The following BLK variants were observed in gnomAD, a reference collection of about 807,000 sequenced individuals.
BLK encodes the protein BLK proto-oncogene, Src family tyrosine kinase.
A neutral mutation model predicts 61.8 loss-of-function variants in BLK; 64 were observed. That is an observed-to-expected ratio of 1.03 (90% CI 0.85 to 1.27). The LOEUF is 1.27. Among genes scored for constraint, BLK ranks in the 50% most tolerant of loss-of-function variants. The probability of loss-of-function intolerance (pLI) is 0.00; values close to 1 mark genes in which losing one functional copy is unlikely to be tolerated. For synonymous variants in BLK, 351 were observed against 272.0 expected (o/e 1.29, Z -2.86); for missense variants, 853 against 660.5 (o/e 1.29, Z -3.19).
At chr8:11,513,599 C>T (rs1306097553) in intron 1 of BLK, among the ~76,000 whole-genome samples, 5 of 152,212 alleles carry the variant, frequency 3.3e-5, no homozygotes, top group African/African-American at 1.2e-4. Context: ...CCACAGCCCT[C>T]GCTGCACAGA....
chr8:11,530,347 C>T (rs1321299349), intron 1 of BLK, among the ~76,000 whole-genome samples: 1 of 152,196 alleles, frequency 6.6e-6, no homozygotes, highest in Non-Finnish European at 1.5e-5. Flanking sequence ...TTATTTGCCA[C>T]AGGTCGGGAA....
At chr8:11,534,606 G>A (rs1179436245) in intron 1 of BLK, among the ~76,000 whole-genome samples, 2 of 152,162 alleles carry the variant, frequency 1.3e-5, no homozygotes, top group African/African-American at 2.4e-5. Flanking sequence ...TTTACCACCT[G>A]AAAATCTTTT....
In BLK at chr8:11,550,425, T is replaced by C. The variant is rs182276994; in HGVS notation, c.472+163T>C. On this transcript the variant is annotated intron_variant, in intron 6 of 12. Transcript: ENST00000259089. ...TTCAGGCCCTGCCCGGGAGTTGACA[T>C]GGGGGCTGTCCACACAGTCCTCCCT... Among the ~76,000 whole-genome samples the C allele has an allele frequency of 4.8e-3, 732 of 152,184 alleles. 5 individuals carry two copies. The highest frequency in any genetic ancestry group is 0.017 in the Middle Eastern group (5 of 294).
chr8:11,505,763 C>A (rs1026861012), intron 1 of BLK, among the ~76,000 whole-genome samples: 1 of 152,208 alleles, frequency 6.6e-6, no homozygotes, highest in African/African-American at 2.4e-5. Flanking sequence ...CCCATTGAGG[C>A]CTCCAGGGAG....
chr8:11,564,507 A>C lies in BLK; in HGVS notation c.*399A>C. ...CGCCCTGCCCCGCTACAGAAGCCAG[A>C]CTGGGTCCCGCGGACGCCAGCAGGG... On this transcript the variant is annotated 3_prime_UTR_variant, in exon 13 of 13. Coordinates refer to ENST00000259089, the MANE Select transcript of BLK (RefSeq NM_001715.3). The C allele has an allele frequency of 2.0e-6, 1 of 499,270 alleles. No homozygotes were observed. Among genetic ancestry groups the C allele is most frequent in the Non-Finnish European group, 3.9e-6 (1 of 255,220 alleles). 30.9% of individuals were successfully genotyped at this position (499,270 alleles called of 1,614,324 possible).
chr8:11,525,672 C>T (rs1799625243), intron 1 of BLK, among the ~76,000 whole-genome samples: 2 of 152,310 alleles, frequency 1.3e-5, no homozygotes, highest in African/African-American at 4.8e-5. Flanking sequence ...AAACTGAAAA[C>T]TCAAAAGTTC....
At chr8:11,545,535 C>G (rs151317873) in intron 2 of BLK, among the ~76,000 whole-genome samples, 1 of 152,022 alleles carries the variant, frequency 6.6e-6, no homozygotes, top group African/African-American at 2.4e-5. Context: ...GGCAACAGAG[C>G]GAGACTCCAT....
At position 11,555,474 on chromosome 8, in the gene BLK, A is replaced by G; in HGVS notation, c.762A>G (p.Glu254=). 6.2e-7 allele frequency: 1 copy of G among 1,614,158 alleles called. No homozygotes were observed. Among genetic ancestry groups the G allele is most frequent in the Non-Finnish European group, 8.5e-7 (1 of 1,180,010 alleles). ...AACTCGGGTCTGGACAATTCGGCGA[A>G]GTCTGGATGGGTGAGTGTGTGCACA... is the stretch of plus-strand genomic sequence containing the variant. ...VRKLGSGQFG[E]VWMGYYKNNM... is the part of the protein sequence containing the mutation. The change falls in exon 8 of 13, where the codon GAA becomes GAG. Residue 254 remains glutamate (E), a synonymous_variant. Transcript: ENST00000259089.
At chr8:11,501,691 C>T (rs775403461) in intron 1 of BLK, among the ~76,000 whole-genome samples, 22 of 152,166 alleles carry the variant, frequency 1.4e-4, no homozygotes, top group Non-Finnish European at 2.4e-4. Flanking sequence ...AGAAAGCTCT[C>T]GTGACTTTGC....
chr8:11,535,748 G>C lies in BLK; in HGVS notation c.-1-7476G>C, dbSNP rs867526242. ...GTAAACACTGTGAGCCTCCTGGTAG[G>C]ATGCAACATGGAGCACAGATCACCT... On this transcript the variant is annotated intron_variant, in intron 1 of 12. Coordinates refer to ENST00000259089, the MANE Select transcript of BLK (RefSeq NM_001715.3). 2.6e-5 allele frequency among the ~76,000 whole-genome samples: 4 copies of C among 152,328 alleles called. No homozygotes were observed. The South Asian group carries it at 8.3e-4, about 32-fold the overall frequency.
At chr8:11,527,853 T>A (rs1799724247) in intron 1 of BLK, among the ~76,000 whole-genome samples, 1 of 149,366 alleles carries the variant, frequency 6.7e-6, no homozygotes, top group African/African-American at 2.5e-5. Flanking sequence ...AATGGGGGAG[T>A]CAGAAATCTT....
intron 1 of BLK, among the ~76,000 whole-genome samples, chr8:11,536,366 G>C (rs1800133613): frequency 6.6e-6 from 1 of 152,138 alleles, no homozygotes; most frequent in Non-Finnish European, 1.5e-5. Context: ...GATGAGTGTA[G>C]AAGAGTTCTA....
At chr8:11,504,422 G>C (rs1798691971) in intron 1 of BLK, among the ~76,000 whole-genome samples, 1 of 136,584 alleles carries the variant, frequency 7.3e-6, no homozygotes, top group Non-Finnish European at 1.5e-5. Flanking sequence ...AAAAAAAAAA[G>C]AAAAGATCCC....
At position 11,558,007 on chromosome 8, in the gene BLK, C is replaced by T; in HGVS notation, c.998C>T (p.Ser333Leu). ...AAGACAGATGAAGGGAGCAGATTGT[C>T]ACTCCCAAGGCTGATTGACATGTCG... The part of the protein sequence containing the change: ...FLKTDEGSRL[S>L]LPRLIDMSAQ... Residue 333 changes from serine to leucine, a missense_variant, in exon 10 of 13, where the codon TCA becomes TTA. Ser to Leu is a moderately radical substitution (Grantham distance 145). Coordinates refer to ENST00000259089, the MANE Select transcript of BLK (RefSeq NM_001715.3). 6.2e-7 allele frequency: 1 copy of T among 1,614,096 alleles called. No homozygotes were observed. Among genetic ancestry groups the T allele is most frequent in the Admixed American group, 1.7e-5 (1 of 60,028 alleles).
chr8:11,551,734 A>G (rs992793640), intron 6 of BLK, among the ~76,000 whole-genome samples: 1 of 152,100 alleles, frequency 6.6e-6, no homozygotes, highest in Non-Finnish European at 1.5e-5. Flanking sequence ...GAACCCTATT[A>G]TGGTCCCTGG....
At chr8:11,531,070 T>C (rs924718054) in intron 1 of BLK, among the ~76,000 whole-genome samples, 2 of 152,224 alleles carry the variant, frequency 1.3e-5, no homozygotes, top group Non-Finnish European at 2.9e-5. Context: ...ACTGTGGTTT[T>C]AGTTGCCATT....
At chr8:11,496,935 A>C (rs1025233753) in intron 1 of BLK, among the ~76,000 whole-genome samples, 12 of 152,124 alleles carry the variant, frequency 7.9e-5, no homozygotes, top group Admixed American at 4.6e-4. Context: ...GCCCACCTGC[A>C]GCCTGGGGTC....
At chr8:11,502,297 T>G (rs948176472) in intron 1 of BLK, among the ~76,000 whole-genome samples, 1 of 152,082 alleles carries the variant, frequency 6.6e-6, no homozygotes, top group Non-Finnish European at 1.5e-5. Context: ...TTTTTTTTCT[T>G]TTTCTTTCTT....
Position 11,504,341 on chromosome 8 carries a change from G to GAGGAAGGA in BLK, c.-2+9769_-2+9776dup, listed in dbSNP as rs200525228. ...CCATCTCAAAATAAAGAAAGGAAGG[G>GAGGAAGGA]AGGAAGGAAGGAAGGAAGGAAGGAA... On this transcript the variant is annotated intron_variant, in intron 1 of 12. Transcript: ENST00000259089. 3.2e-3 allele frequency among the ~76,000 whole-genome samples: 401 copies of GAGGAAGGA among 125,836 alleles called. 5 individuals carry two copies. The highest frequency in any genetic ancestry group is 6.3e-3 in the African/African-American group (193 of 30,588). 82.6% of individuals were successfully genotyped at this position (125,836 alleles called of 152,430 possible). A position where few individuals can be genotyped will look rare whatever the true frequency, so the allele number is the denominator to read the frequency against.
Sources: gnomAD v4.1 joint callset for allele counts (sites outside exome capture counted in the v4.1 genomes callset) on GRCh38, gnomAD v4.1.1 for gene constraint, MANE v1.5 for transcripts, NCBI Gene and HGNC (gene_info 2026-07-23, HGNC 2026-07-21) for gene names.